Variants in BAHCC1 observed in about 807,000 individuals in gnomAD.
BAHCC1 encodes the protein BAH and coiled-coil domain-containing protein 1.
In BAHCC1, 43 loss-of-function variants were observed where a neutral mutation model predicts 88.2. That is an observed-to-expected ratio of 0.49 (90% CI 0.38 to 0.63). The LOEUF (loss-of-function observed/expected upper bound fraction) is 0.63. Among genes scored for constraint, BAHCC1 ranks in the 20% least tolerant of loss-of-function variants. The pLI is 0.00. For missense variants in BAHCC1, 3,023 were observed against 1,654.8 expected, an observed-to-expected ratio of 1.83 and a Z score of -14.34; for synonymous variants, 1,510 against 745.5, an observed-to-expected ratio of 2.03 and a Z score of -16.71.
chr17:81,458,910 A>G lies in BAHCC1; in HGVS notation c.5546A>G (p.Asp1849Gly). 2 of 771,584 alleles carry G rather than the reference A, an allele frequency of 2.6e-6. No homozygotes were observed. The highest frequency in any genetic ancestry group is 4.8e-6 in the Non-Finnish European group (2 of 412,832). The allele number at this position is 771,584 out of a possible 1,614,324, so 47.8% of individuals were successfully genotyped here. ...DNSSFSEEEE[D>G]EEEEEEDSGP... ...AGCAGCTTCTCGGAAGAGGAGGAGG[A>G]CGAGGAGGAAGAGGAGGAGGACAGC... The change falls in exon 20 of 28, where the codon GAC (aspartate) becomes GGC (glycine). Residue 1849 changes from aspartate (D) to glycine (G), a missense_variant. Coordinates refer to ENST00000675386, the MANE Select transcript of BAHCC1 (RefSeq NM_001377448.1).
chr17:81,417,885 ATGGCTGC>A (rs1568002540), intron 2 of BAHCC1, among the ~76,000 whole-genome samples: 1 of 152,210 alleles, frequency 6.6e-6, no homozygotes, highest in East Asian at 1.9e-4. Flanking sequence ...GGCTGAGCCC[ATGGCTGC>A]ATGCTCTTGG....
At chr17:81,452,387 G>A (rs2064656409) in intron 13 of BAHCC1, among the ~76,000 whole-genome samples, 2 of 152,030 alleles carry the variant, frequency 1.3e-5, no homozygotes, top group Admixed American at 1.3e-4. Flanking sequence ...AGGGTGGCGG[G>A]TGAGGGGACA....
At position 81,442,370 on chromosome 17, in the gene BAHCC1, C is replaced by T. The variant is rs893020900; in HGVS notation, c.1021C>T (p.Arg341Trp). The T allele has an allele frequency of 1.6e-5, 11 of 701,948 alleles. No individual in the cohort carries two copies. The highest frequency in any genetic ancestry group is 3.5e-5 in the African/African-American group (2 of 56,370). 43.5% of individuals were successfully genotyped at this position (701,948 alleles called of 1,614,324 possible). Residue 341 changes from arginine (R) to tryptophan (W), a missense_variant, in exon 5 of 28, where the codon CGG becomes TGG. Arg to Trp is a moderately radical substitution (Grantham distance 101). Coordinates refer to ENST00000675386, the MANE Select transcript of BAHCC1 (RefSeq NM_001377448.1). ...GPAFSECLER[R>W]QMLHHTASYA... is the part of the protein sequence containing the mutation. ...GGCCTTCAGCGAGTGCCTGGAGCGG[C>T]GGCAGATGCTACACCACACCGCATC...
In BAHCC1 at chr17:81,458,490, G is replaced by A. The variant is rs1265769756; in HGVS notation, c.5343+24G>A. 4 of 679,872 alleles carry A rather than the reference G, an allele frequency of 5.9e-6. No individual in the cohort carries two copies. The Admixed American group carries it at 8.1e-5, about 14-fold the overall frequency. 42.1% of individuals were successfully genotyped at this position (679,872 alleles called of 1,614,324 possible). ...GGGTGAGGCTGGGCTCTGGGGTGCT[G>A]GGCGGAGAGGGTGGGTGCCTGTGAG... On this transcript the variant is annotated intron_variant, in intron 18 of 27. Coordinates refer to ENST00000675386, the MANE Select transcript of BAHCC1 (RefSeq NM_001377448.1).
intron 3 of BAHCC1, among the ~76,000 whole-genome samples, chr17:81,437,860 A>G (rs1186388533): frequency 1.3e-5 from 2 of 152,108 alleles, no homozygotes; most frequent in Non-Finnish European, 2.9e-5. Context: ...CGTCGGATGG[A>G]CACACCTGTG....
At chr17:81,409,204 C>A (rs1419168620) in intron 2 of BAHCC1, among the ~76,000 whole-genome samples, 1 of 152,222 alleles carries the variant, frequency 6.6e-6, no homozygotes, top group Admixed American at 6.5e-5. Flanking sequence ...CATCCCCTGG[C>A]CTTCGTGTAG....
intron 15 of BAHCC1, chr17:81,456,032 C>T (rs1373065319): frequency 5.9e-6 from 3 of 505,168 alleles, no homozygotes; most frequent in East Asian, 7.2e-5. Flanking sequence ...AACCCACAGC[C>T]ACTGGGCCCT....
At chr17:81,401,139 AGAAAG>A (rs2063811407) in intron 2 of BAHCC1, 1 of 152,310 alleles carries the variant, frequency 6.6e-6, no homozygotes, top group South Asian at 2.1e-4. Context: ...AGACGGGGCT[AGAAAG>A]GAAAACGTCG....
At chr17:81,415,208 C>G (rs1555648427) in intron 2 of BAHCC1, among the ~76,000 whole-genome samples, 1 of 152,254 alleles carries the variant, frequency 6.6e-6, no homozygotes, top group African/African-American at 2.4e-5. Flanking sequence ...GTTCCTTCCT[C>G]TCCTCCACCC....
rs541376189 is a variant in BAHCC1 at position 81,403,595 on chromosome 17, C to T, written c.178+3678C>T. On this transcript the variant is annotated intron_variant, in intron 2 of 27. Coordinates refer to ENST00000675386, the MANE Select transcript of BAHCC1 (RefSeq NM_001377448.1). ...GTGTGAAAAGACCCCATCACAGGCT[C>T]CTCTCCCTCATCATGTGATATTTTT... Among the ~76,000 whole-genome samples, 3 of 151,978 alleles carry T rather than the reference C, an allele frequency of 2.0e-5. No homozygotes were observed. In the South Asian group the frequency reaches 6.2e-4, roughly 32 times the overall value.
chr17:81,398,903 G>C (rs1232954408), intron 1 of BAHCC1, among the ~76,000 whole-genome samples: 1 of 151,864 alleles, frequency 6.6e-6, no homozygotes, highest in Non-Finnish European at 1.5e-5. Flanking sequence ...TGCATGAGGG[G>C]GATGGGAGTG....
chr17:81,457,391 C>T lies in BAHCC1; in HGVS notation c.4859-19C>T, dbSNP rs531971579. On this transcript the variant is annotated intron_variant, in intron 16 of 27. Transcript: ENST00000675386. The stretch of plus-strand genomic sequence containing the variant: ...CAGCTTACCATCAAGTCATCAGGAC[C>T]CCTCTGCCTCTCTCCCAGGCAGTGG... 1.8e-4 allele frequency: 135 copies of T among 758,118 alleles called. No individual in the cohort carries two copies. Among genetic ancestry groups the T allele is most frequent in the Non-Finnish European group, 2.9e-4 (117 of 407,932 alleles). The allele number at this position is 758,118 out of a possible 1,614,324, so 47.0% of individuals were successfully genotyped here.
rs781870425 is a variant in BAHCC1, at chr17:81,452,002, T to C, written c.4211T>C (p.Leu1404Pro). Residue 1404 changes from leucine to proline, a missense_variant, in exon 13 of 28, where the codon CTG becomes CCG. Leu to Pro is a moderately conservative substitution (Grantham distance 98). Coordinates refer to ENST00000675386, the MANE Select transcript of BAHCC1 (RefSeq NM_001377448.1). Reference protein sequence around the residue: ...VCPLKAAIDRLDTQEVGMRVR... With the variant: ...VCPLKAAIDRPDTQEVGMRVR... Reference sequence around the variant, plus strand: ...CCCCTGAAGGCCGCCATCGACCGGCTGGACACGCAGGAGGTGGGGATGCGC... The same window carrying C: ...CCCCTGAAGGCCGCCATCGACCGGCCGGACACGCAGGAGGTGGGGATGCGC... The C allele has an allele frequency of 3.1e-6, 2 of 636,052 alleles. No individual in the cohort carries two copies. The highest frequency in any genetic ancestry group is 2.8e-6 in the Non-Finnish European group (1 of 357,416). The allele number at this position is 636,052 out of a possible 1,614,324, so 39.4% of individuals were successfully genotyped here.
At chr17:81,437,295 T>G (rs985426794) in intron 3 of BAHCC1, among the ~76,000 whole-genome samples, 1 of 152,222 alleles carries the variant, frequency 6.6e-6, no homozygotes, top group African/African-American at 2.4e-5. Context: ...AGGCAGCTGC[T>G]AAGGCAGGCC....
At chr17:81,417,555 A>ACCGCCCCCCCC (rs1555648925) in intron 2 of BAHCC1, among the ~76,000 whole-genome samples, 4 of 131,412 alleles carry the variant, frequency 3.0e-5, no homozygotes, top group South Asian at 2.4e-4. Flanking sequence ...AGCGTCGGCC[A>ACCGCCCCCCCC]CCCCCCCCCC....
At chr17:81,412,534 AC>A (rs2063967114) in intron 2 of BAHCC1, among the ~76,000 whole-genome samples, 1 of 151,922 alleles carries the variant, frequency 6.6e-6, no homozygotes, top group Non-Finnish European at 1.5e-5. Flanking sequence ...GGGGTCAGAG[AC>A]CCCTTGGGGC....
At chr17:81,441,531 G>A (rs563368124) in intron 4 of BAHCC1, among the ~76,000 whole-genome samples, 7 of 152,074 alleles carry the variant, frequency 4.6e-5, no homozygotes, top group South Asian at 2.1e-4. Context: ...GCCTGGTGGC[G>A]GGCTCCTGTA....
Position 81,443,440 on chromosome 17 carries a change from G to A in BAHCC1, c.2091G>A (p.Glu697=), listed in dbSNP as rs1340789555. 14 of 749,442 alleles carry A rather than the reference G, an allele frequency of 1.9e-5. No individual in the cohort carries two copies. The highest frequency in any genetic ancestry group is 3.2e-5 in the Non-Finnish European group (13 of 403,394). 46.4% of individuals were successfully genotyped at this position (749,442 alleles called of 1,614,324 possible). Residue 697 remains glutamate, a synonymous_variant, in exon 5 of 28, where the codon GAG becomes GAA. Transcript: ENST00000675386. ...ACGACACCACGCACGGCGACGGGGA[G>A]GTGCGGCAGCCCCCTGTGGGCATTG... ...REHDTTHGDG[E]VRQPPVGIAV... is the part of the protein sequence containing the mutation.
chr17:81,421,116 G>A (rs1327397049), intron 2 of BAHCC1, among the ~76,000 whole-genome samples: 1 of 152,246 alleles, frequency 6.6e-6, no homozygotes, highest in African/African-American at 2.4e-5. Flanking sequence ...CCAGGATGGG[G>A]CACTTGGTCT....
Sources: gnomAD v4.1 joint callset for allele counts (sites outside exome capture counted in the v4.1 genomes callset) on GRCh38, gnomAD v4.1.1 for gene constraint, MANE v1.5 for transcripts, NCBI Gene and HGNC (gene_info 2026-07-23, HGNC 2026-07-21) for gene names.